Variants in HDAC9 observed in about 807,000 individuals in gnomAD.
HDAC9 encodes histone deacetylase 9, also known as MEF-2 interacting transcription repressor (MITR) protein.
A neutral mutation model predicts 139.4 loss-of-function variants in HDAC9; 41 were observed. The ratio of observed to expected loss-of-function variants is 0.29; its 90% CI spans 0.23 to 0.38. The LOEUF is 0.38. Among genes scored for constraint, HDAC9 ranks in the 10% least tolerant of loss-of-function variants. The probability of loss-of-function intolerance (pLI) is 1.00; values close to 1 mark genes in which losing one functional copy is unlikely to be tolerated. For synonymous variants in HDAC9, 517 were observed against 476.2 expected (o/e 1.09, Z -1.12); for missense variants, 1,147 against 1,297.0 (o/e 0.88, Z 1.78).
At chr7:18,907,851 C>T (rs1022176842) in intron 22 of HDAC9, among the ~76,000 whole-genome samples, 21 of 152,108 alleles carry the variant, frequency 1.4e-4, no homozygotes, top group African/African-American at 3.6e-4. Context: ...AAGTTTGAAA[C>T]GGAGCCACTC....
At chr7:18,430,626 A>C (rs1286503108) in intron 1 of HDAC9, 1 of 152,214 alleles carries the variant, frequency 6.6e-6, no homozygotes, top group Non-Finnish European at 1.5e-5. Context: ...TCATACCTGT[A>C]ATCCCTGCAC....
At chr7:18,568,026 GTATATA>G (rs36203178) in intron 2 of HDAC9, among the ~76,000 whole-genome samples, 11,460 of 126,782 alleles carry the variant, frequency 0.09, 875 homozygotes, top group African/African-American at 0.19. Flanking sequence ...ATATGTATAT[GTATATA>G]TATATATATA....
At chr7:18,650,877 C>A (rs1400488191) in intron 11 of HDAC9, among the ~76,000 whole-genome samples, 2 of 152,086 alleles carry the variant, frequency 1.3e-5, no homozygotes, top group Non-Finnish European at 2.9e-5. Flanking sequence ...TCAAGCAGGT[C>A]GCCAGTTGGC....
intron 17 of HDAC9, among the ~76,000 whole-genome samples, chr7:18,819,956 T>A (rs893168622): frequency 1.3e-5 from 2 of 152,230 alleles, no homozygotes; most frequent in Non-Finnish European, 2.9e-5. Context: ...AGTTTTTCCA[T>A]GTTATTATGT....
chr7:18,531,244 T>C (rs1808830761), intron 2 of HDAC9, among the ~76,000 whole-genome samples: 1 of 152,148 alleles, frequency 6.6e-6, no homozygotes, highest in Admixed American at 6.6e-5. Context: ...GTTTCTAAGT[T>C]GTTGAGATAT....
chr7:18,201,664 A>C lies in HDAC9; in HGVS notation c.25+39315A>C, dbSNP rs533110184. On this transcript the variant is annotated intron_variant, in intron 2 of 12. Transcript: ENST00000417496. ...CAAGTAGAGCAGTCCATACCCACTC[A>C]TGGAAAGCAGTGTCCTTCAATGGCT... is the stretch of plus-strand genomic sequence containing the variant. Among the ~76,000 whole-genome samples, 510 of 152,332 alleles carry C rather than the reference A, an allele frequency of 3.3e-3. 5 individuals are homozygous for C. The highest frequency in any genetic ancestry group is 0.027 in the Middle Eastern group (8 of 294).
intron 1 of HDAC9, among the ~76,000 whole-genome samples, chr7:18,100,747 A>G (rs890290838): frequency 2.0e-5 from 3 of 151,958 alleles, no homozygotes; most frequent in Non-Finnish European, 2.9e-5. Flanking sequence ...TAGACTTTTT[A>G]TCCTTGCTAT....
intron 25 of HDAC9, among the ~76,000 whole-genome samples, chr7:18,981,977 G>A (rs1229229226): frequency 2.0e-5 from 3 of 151,966 alleles, no homozygotes; most frequent in African/African-American, 7.2e-5. Flanking sequence ...ACGCCTTATA[G>A]GCCAAGGACT....
chr7:18,956,476 T>C (rs1783157323), intron 24 of HDAC9, among the ~76,000 whole-genome samples: 1 of 152,076 alleles, frequency 6.6e-6, no homozygotes, highest in Non-Finnish European at 1.5e-5. Context: ...TGTGAGGTGC[T>C]TGGGAGCCTG....
intron 21 of HDAC9, among the ~76,000 whole-genome samples, chr7:18,840,990 G>C (rs1796548284): frequency 6.6e-6 from 1 of 152,106 alleles, no homozygotes; most frequent in Non-Finnish European, 1.5e-5. Flanking sequence ...CACACTGCAA[G>C]TGCTCCTTGG....
intron 1 of HDAC9, among the ~76,000 whole-genome samples, chr7:18,088,631 C>A (rs1427242191): frequency 2.0e-5 from 3 of 152,156 alleles, no homozygotes; most frequent in Non-Finnish European, 4.4e-5. Flanking sequence ...TAAAAGATAT[C>A]TTTTGACCTT....
At chr7:18,226,110 A>G (rs999242686) in intron 2 of HDAC9, among the ~76,000 whole-genome samples, 2 of 152,176 alleles carry the variant, frequency 1.3e-5, no homozygotes, top group Non-Finnish European at 2.9e-5. Context: ...ACTTTAATGT[A>G]TGTCACTGAA....
chr7:18,417,721 G>C (rs560384766), intron 1 of HDAC9, among the ~76,000 whole-genome samples: 1 of 152,116 alleles, frequency 6.6e-6, no homozygotes, highest in African/African-American at 2.4e-5. Flanking sequence ...TGGCTGGTAG[G>C]AACAGCATTC....
At chr7:18,233,086 C>G (rs950934508) in intron 2 of HDAC9, among the ~76,000 whole-genome samples, 3 of 152,114 alleles carry the variant, frequency 2.0e-5, no homozygotes, top group African/African-American at 4.8e-5. Flanking sequence ...AGAAGCATGT[C>G]TAGAGGTTTC....
chr7:18,688,319 C>CAAA lies in HDAC9; in HGVS notation c.1731+21843_1731+21844insAAA, dbSNP rs1562853109. 2.4e-4 allele frequency among the ~76,000 whole-genome samples: 36 copies of CAAA among 151,830 alleles called. 2 individuals are homozygous for CAAA. The highest frequency in any genetic ancestry group is 8.7e-4 in the African/African-American group (36 of 41,494). On this transcript the variant is annotated intron_variant, in intron 12 of 25. Transcript: ENST00000686413. ...TCTAGCCTTAGTTTGACTGCTGACA[C>CAAA]CGGGAATGCATTTCTAAACTTCTAA...
At chr7:18,133,931 TGC>T (rs1491415145) in intron 1 of HDAC9, among the ~76,000 whole-genome samples, 1 of 123,496 alleles carries the variant, frequency 8.1e-6, no homozygotes, top group Non-Finnish European at 1.6e-5. Flanking sequence ...TATACACGCG[TGC>T]ACACACACAC....
chr7:18,419,569 A>G (rs576713856), intron 1 of HDAC9, among the ~76,000 whole-genome samples: 2 of 152,304 alleles, frequency 1.3e-5, no homozygotes, highest in Admixed American at 1.3e-4. Context: ...AAGAGGAGAA[A>G]CGACTCTATT....
chr7:18,406,989 T>C (rs1175815365), intron 1 of HDAC9, among the ~76,000 whole-genome samples: 1 of 152,164 alleles, frequency 6.6e-6, no homozygotes, highest in East Asian at 1.9e-4. Context: ...AAAATAATAA[T>C]AGAAATATAT....
At chr7:18,789,183 C>A (rs1350112319) in intron 16 of HDAC9, among the ~76,000 whole-genome samples, 1 of 151,830 alleles carries the variant, frequency 6.6e-6, no homozygotes, top group Non-Finnish European at 1.5e-5. Context: ...GAAGCAAAAT[C>A]CTGTTTTGGT....
Sources: gnomAD v4.1 joint callset for allele counts (sites outside exome capture counted in the v4.1 genomes callset) on GRCh38, gnomAD v4.1.1 for gene constraint, MANE v1.5 for transcripts, NCBI Gene and HGNC (gene_info 2026-07-23, HGNC 2026-07-21) for gene names.